The following GNG7 variants were observed in gnomAD, a reference collection of about 807,000 sequenced individuals.
GNG7 encodes the protein guanine nucleotide-binding protein G(I)/G(S)/G(O) subunit gamma-7.
Under a neutral mutation model 4.0 loss-of-function variants are expected in GNG7, and 1 was observed. That is an observed-to-expected ratio of 0.25 (90% confidence interval 0.09 to 1.18). The LOEUF is 1.18. Ranked by LOEUF, GNG7 falls within the 50% of genes most tolerant of loss-of-function variation. The pLI, the probability that GNG7 is intolerant of heterozygous loss-of-function variation, is 0.50. For synonymous variants in GNG7, 34 were observed against 36.9 expected (o/e 0.92, Z 0.29); for missense variants, 86 against 91.9 (o/e 0.94, Z 0.26).
At chr19:2,686,775 A>G (rs1237904175) in intron 1 of GNG7, among the ~76,000 whole-genome samples, 2 of 147,416 alleles carry the variant, frequency 1.4e-5, no homozygotes, top group Non-Finnish European at 3.0e-5. Context: ...TTTTTGAGAC[A>G]GAGTCTCGCT....
intron 2 of GNG7, among the ~76,000 whole-genome samples, chr19:2,566,298 G>A (rs1360811904): frequency 1.3e-5 from 2 of 152,164 alleles, no homozygotes; most frequent in African/African-American, 4.8e-5. Context: ...ACAAGCCAGG[G>A]AAGGCCAAGG....
chr19:2,643,148 C>T, intron 2 of GNG7: 2 of 453,592 alleles, frequency 4.4e-6, no homozygotes, highest in Non-Finnish European at 8.8e-6. Flanking sequence ...CCTTCCCACC[C>T]TGCACCATGT....
At position 2,538,020 on chromosome 19, in the gene GNG7, T is replaced by C. The variant is rs531653276; in HGVS notation, c.-38+17129A>G. The C allele has an allele frequency of 7.4e-6, 3 of 405,312 alleles. No homozygotes were observed. The East Asian group carries it at 2.2e-4, about 29-fold the overall frequency. 25.1% of individuals were successfully genotyped at this position (405,312 alleles called of 1,614,324 possible). A position where few individuals can be genotyped will look rare whatever the true frequency, so the allele number is the denominator to read the frequency against. On this transcript the variant is annotated intron_variant, in intron 3 of 4. Coordinates refer to ENST00000382159, the MANE Select transcript of GNG7 (RefSeq NM_052847.3). Reference sequence around the variant, plus strand: ...TGAACCTGGAAGGCGGAGGCTGTAGTGAGCTATGATTGCGCCACTGCCCTC... The same window carrying C: ...TGAACCTGGAAGGCGGAGGCTGTAGCGAGCTATGATTGCGCCACTGCCCTC...
rs1011383141 is a variant in GNG7 at position 2,645,102 on chromosome 19, C to T, written c.-78+1122G>A. 2.6e-5 allele frequency among the ~76,000 whole-genome samples: 4 copies of T among 152,172 alleles called. No individual in the cohort carries two copies. The East Asian group carries it at 5.8e-4, about 22-fold the overall frequency. On this transcript the variant is annotated intron_variant, in intron 2 of 4. Coordinates refer to ENST00000382159, the MANE Select transcript of GNG7 (RefSeq NM_052847.3). ...TACTTCAGGGCCGGGTGCAATGGTA[C>T]GCACCTGTAATCCTGGCACTTTGGG...
intron 1 of GNG7, among the ~76,000 whole-genome samples, chr19:2,652,687 G>T (rs1229839269): frequency 6.6e-6 from 1 of 152,078 alleles, no homozygotes. Flanking sequence ...GTTAGTGGTA[G>T]AGGAGGGAAA....
At position 2,649,354 on chromosome 19, in the gene GNG7, A is replaced by G. The variant is rs546717850; in HGVS notation, c.-134-3074T>C. Among the ~76,000 whole-genome samples, 271 of 145,498 alleles carry G rather than the reference A, an allele frequency of 1.9e-3. 2 individuals are homozygous for G. The highest frequency in any genetic ancestry group is 1.8e-3 in the Non-Finnish European group (121 of 66,370). On this transcript the variant is annotated intron_variant, in intron 1 of 4. Transcript: ENST00000382159. ...CTTATCAAAACCAGCAAACTGAGAG[A>G]GGCGGATACATTCAGTGTAGACGCT...
At chr19:2,654,930 T>C (rs1599444548) in intron 1 of GNG7, among the ~76,000 whole-genome samples, 3 of 110,220 alleles carry the variant, frequency 2.7e-5, no homozygotes, top group African/African-American at 9.6e-5. Context: ...CCCCAGACAT[T>C]GTCCAGTGTC....
intron 2 of GNG7, among the ~76,000 whole-genome samples, chr19:2,556,042 G>C (rs1314847724): frequency 6.6e-6 from 1 of 152,238 alleles, no homozygotes; most frequent in African/African-American, 2.4e-5. Context: ...GCCCCCTCCA[G>C]CTTCGCGGCA....
rs1252909554 is a variant in GNG7, at chr19:2,511,923, G to C, written c.*3099C>G. 2.0e-6 allele frequency: 2 copies of C among 986,120 alleles called. No homozygotes were observed. Among genetic ancestry groups the C allele is most frequent in the African/African-American group, 3.5e-5 (2 of 57,242 alleles). 61.1% of individuals were successfully genotyped at this position (986,120 alleles called of 1,614,324 possible). A position where few individuals can be genotyped will look rare whatever the true frequency, so the allele number is the denominator to read the frequency against. ...GGGCAGGGGAGGCGGAGCTGGTCCG[G>C]GAAGGTGCCCAGGTGGGTCACAACA... On this transcript the variant is annotated 3_prime_UTR_variant, in exon 5 of 5. Coordinates refer to ENST00000382159, the MANE Select transcript of GNG7 (RefSeq NM_052847.3). The surrounding 1 kb of genome is among the most constrained non-coding windows in gnomAD (Gnocchi z 6.3).
chr19:2,610,769 C>A (rs1209659777), intron 2 of GNG7: 1 of 151,996 alleles, frequency 6.6e-6, no homozygotes, highest in Non-Finnish European at 1.5e-5. Flanking sequence ...GCACAAGAGA[C>A]CCTCTTTTAT....
chr19:2,622,293 A>T (rs958041292), intron 2 of GNG7, among the ~76,000 whole-genome samples: 1 of 152,216 alleles, frequency 6.6e-6, no homozygotes, highest in African/African-American at 2.4e-5. Context: ...GTTAGCCAGG[A>T]TGGTCTCGAT....
At chr19:2,641,440 G>A (rs1025027064) in intron 2 of GNG7, among the ~76,000 whole-genome samples, 4 of 149,876 alleles carry the variant, frequency 2.7e-5, no homozygotes, top group Non-Finnish European at 5.9e-5. Flanking sequence ...GCGTCCTCAG[G>A]AGAAGAGGCA....
intron 1 of GNG7, among the ~76,000 whole-genome samples, chr19:2,672,521 G>A (rs1160240440): frequency 2.0e-5 from 3 of 148,096 alleles, no homozygotes; most frequent in Admixed American, 6.7e-5. Flanking sequence ...ATCTCAGCTC[G>A]CTGCAAACCC....
chr19:2,616,071 C>T (rs1309881943), intron 2 of GNG7, among the ~76,000 whole-genome samples: 1 of 152,154 alleles, frequency 6.6e-6, no homozygotes, highest in Middle Eastern at 3.2e-3. Flanking sequence ...GCCAGTGGCC[C>T]ACTGATGTCA....
At chr19:2,518,017 G>A (rs1357764703) in intron 4 of GNG7, among the ~76,000 whole-genome samples, 1 of 152,172 alleles carries the variant, frequency 6.6e-6, no homozygotes, top group African/African-American at 2.4e-5. Flanking sequence ...ACTTCTATTT[G>A]GGAAGCGGCC....
At chr19:2,662,358 A>C (rs1983203921) in intron 1 of GNG7, among the ~76,000 whole-genome samples, 1 of 151,670 alleles carries the variant, frequency 6.6e-6, no homozygotes, top group South Asian at 2.1e-4. Context: ...AATTCGATTC[A>C]GTTCAATTCA....
chr19:2,685,378 C>G (rs1032572924), intron 1 of GNG7, among the ~76,000 whole-genome samples: 1 of 152,112 alleles, frequency 6.6e-6, no homozygotes, highest in Admixed American at 6.6e-5. Context: ...AATCTCAGCA[C>G]TTTGGGAGGC....
At chr19:2,599,233 C>T (rs1288088494) in intron 2 of GNG7, among the ~76,000 whole-genome samples, 4 of 152,102 alleles carry the variant, frequency 2.6e-5, no homozygotes, top group Non-Finnish European at 5.9e-5. Flanking sequence ...TCCGAAAACA[C>T]CGCACTTTCC....
intron 2 of GNG7, among the ~76,000 whole-genome samples, chr19:2,638,599 T>C (rs1433592266): frequency 6.9e-6 from 1 of 145,836 alleles, no homozygotes; most frequent in Non-Finnish European, 1.5e-5. Context: ...CTCTCCCTCC[T>C]GGGCACTGTA....
Sources: gnomAD v4.1 joint callset for allele counts (sites outside exome capture counted in the v4.1 genomes callset) on GRCh38, gnomAD v4.1.1 for gene constraint, Gnocchi (gnomAD v3.1) non-coding constraint, MANE v1.5 for transcripts, NCBI Gene and HGNC (gene_info 2026-07-23, HGNC 2026-07-21) for gene names.